The following TANC1 variants were observed in gnomAD, a reference collection of about 807,000 sequenced individuals.
The protein encoded by TANC1 is protein TANC1.
TANC1 carries 77 observed loss-of-function variants against 149.7 expected under a neutral mutation model. That is an observed-to-expected ratio of 0.51 (90% confidence interval 0.43 to 0.62). The LOEUF (loss-of-function observed/expected upper bound fraction) is 0.62. Ranked by LOEUF, TANC1 falls within the 20% of genes least tolerant of loss-of-function variation. The pLI, the probability that TANC1 is intolerant of heterozygous loss-of-function variation, is 0.00. For missense variants in TANC1, 1,985 were observed against 2,321.8 expected (o/e 0.85, Z 2.98); for synonymous variants, 854 against 925.0 (o/e 0.92, Z 1.39).
intron 3 of TANC1, among the ~76,000 whole-genome samples, chr2:159,091,961 TAG>T (rs2045589341): frequency 2.2e-5 from 3 of 135,840 alleles, no homozygotes; most frequent in Non-Finnish European, 1.6e-5. Context: ...TCTGTAAATA[TAG>T]GGGGGGGTGT....
At chr2:159,046,027 A>G (rs2041012085) in intron 2 of TANC1, among the ~76,000 whole-genome samples, 1 of 152,204 alleles carries the variant, frequency 6.6e-6, no homozygotes, top group Non-Finnish European at 1.5e-5. Flanking sequence ...ACGTTTCTCA[A>G]AGTAACATTG....
chr2:159,085,979 TC>T (rs2044801036), intron 3 of TANC1, among the ~76,000 whole-genome samples: 1 of 152,190 alleles, frequency 6.6e-6, no homozygotes, highest in African/African-American at 2.4e-5. Flanking sequence ...CTGGCAGTAA[TC>T]TCAGGGCTTG....
At chr2:159,199,195 G>C (rs1170858320) in intron 19 of TANC1, 142 bp downstream of exon 19, 5 of 597,110 alleles carry the variant, frequency 8.4e-6, no homozygotes, top group Non-Finnish European at 1.5e-5. Context: ...AGAGCTCCTT[G>C]AACTTTCTAC....
intron 2 of TANC1, among the ~76,000 whole-genome samples, chr2:159,010,090 A>G (rs1574096452): frequency 6.6e-6 from 1 of 152,194 alleles, no homozygotes; most frequent in African/African-American, 2.4e-5. Context: ...AATAGCAAAT[A>G]TGGACCACTG....
rs369061148 is a variant in TANC1, at chr2:159,097,640, G to T, written c.65G>T (p.Ser22Ile). The T allele has an allele frequency of 8.1e-6, 13 of 1,613,122 alleles. No homozygotes were observed. The highest frequency in any genetic ancestry group is 1.0e-5 in the Non-Finnish European group (12 of 1,179,270). ...AAGTATTCTCTCTCTACTCTAGGAA[G>T]TGACTTTGGTCCAGAGACTTCTCCA... ...GGKGGKKEAG[S>I]DFGPETSPVL... The change falls in exon 4 of 27, where the codon AGT becomes ATT. Residue 22 changes from serine to isoleucine, a missense_variant. This residue lies in a region of TANC1 where 557 missense variants were observed against 612.9 expected (regional missense o/e 0.91). Transcript: ENST00000263635.
chr2:158,970,497 T>C (rs962357238), intron 1 of TANC1, among the ~76,000 whole-genome samples: 3 of 152,196 alleles, frequency 2.0e-5, no homozygotes, highest in South Asian at 2.1e-4. Context: ...GTTTTACTCA[T>C]CTAAGCTACT....
intron 3 of TANC1, among the ~76,000 whole-genome samples, chr2:159,088,185 A>C (rs1157753088): frequency 1.3e-5 from 2 of 152,092 alleles, no homozygotes; most frequent in Non-Finnish European, 2.9e-5. Flanking sequence ...TTCTGAGTGC[A>C]GTCGGGCTCT....
chr2:159,001,322 C>G lies in TANC1; in HGVS notation c.-16+133C>G, dbSNP rs1488962788. ...TCCAGTCTTTCCACCTGCCCAGAGC[C>G]ACTGGTGAGCCAGCGCCTCCAGGGG... On this transcript the variant is annotated intron_variant, in intron 2 of 26. Transcript: ENST00000263635. This position sits in a 1 kb window ranked among gnomAD's most constrained non-coding sequence, Gnocchi z 4.3. 4 of 152,242 alleles carry G rather than the reference C, an allele frequency of 2.6e-5. No individual in the cohort carries two copies. The highest frequency in any genetic ancestry group is 9.7e-5 in the African/African-American group (4 of 41,426). The allele number at this position is 152,242 out of a possible 1,614,324, so 9.4% of individuals were successfully genotyped here.
At chr2:159,177,301 A>AT (rs556072643) in intron 13 of TANC1, among the ~76,000 whole-genome samples, 32 of 149,872 alleles carry the variant, frequency 2.1e-4, no homozygotes, top group South Asian at 1.1e-3. Flanking sequence ...GGGTAGGGTG[A>AT]TTTTTTTTTT....
chr2:159,207,654 G>A (rs545300591), intron 19 of TANC1, among the ~76,000 whole-genome samples: 23 of 125,454 alleles, frequency 1.8e-4, no homozygotes, highest in African/African-American at 6.0e-4. Flanking sequence ...AGCCGAGATC[G>A]CGCCACTGTA....
intron 2 of TANC1, among the ~76,000 whole-genome samples, chr2:159,017,197 G>A (rs922687584): frequency 6.6e-6 from 1 of 152,144 alleles, no homozygotes; most frequent in African/African-American, 2.4e-5. Context: ...TATTATATGG[G>A]ACATACAGCC....
intron 3 of TANC1, among the ~76,000 whole-genome samples, chr2:159,085,474 C>CCG (rs2044740024): frequency 6.6e-6 from 1 of 152,030 alleles, no homozygotes; most frequent in African/African-American, 2.4e-5. Flanking sequence ...ATTATTAGGG[C>CCG]CGATATACAC....
At chr2:159,007,521 G>A (rs115819015) in intron 2 of TANC1, among the ~76,000 whole-genome samples, 2 of 152,108 alleles carry the variant, frequency 1.3e-5, no homozygotes, top group Non-Finnish European at 2.9e-5. Context: ...GTTGCCTACA[G>A]TATTCACTAC....
chr2:158,988,853 T>G (rs542847677), intron 1 of TANC1, among the ~76,000 whole-genome samples: 22 of 152,296 alleles, frequency 1.4e-4, no homozygotes, highest in African/African-American at 4.6e-4. Context: ...TGCCACCTCC[T>G]GCGGTGCTGC....
chr2:159,041,975 TG>T (rs35129262), intron 2 of TANC1, among the ~76,000 whole-genome samples: 1 of 152,194 alleles, frequency 6.6e-6, no homozygotes, highest in Non-Finnish European at 1.5e-5. Flanking sequence ...GCATTTGACA[TG>T]GGGGTGACCA....
At chr2:159,102,597 G>A (rs1186991807) in intron 4 of TANC1, among the ~76,000 whole-genome samples, 8 of 128,952 alleles carry the variant, frequency 6.2e-5, no homozygotes, top group Non-Finnish European at 1.7e-5. Context: ...CCCAGCTCTT[G>A]CTTAATATTT....
chr2:158,992,642 A>G (rs982541625), intron 1 of TANC1, among the ~76,000 whole-genome samples: 4 of 149,056 alleles, frequency 2.7e-5, no homozygotes, highest in Admixed American at 1.3e-4. Flanking sequence ...AGCTGGGACT[A>G]CAGGCGCCCA....
At chr2:158,992,537 C>G (rs1347112353) in intron 1 of TANC1, among the ~76,000 whole-genome samples, 8 of 152,028 alleles carry the variant, frequency 5.3e-5, no homozygotes, top group African/African-American at 9.7e-5. Flanking sequence ...GAGTCTTGCC[C>G]TGTCGCCCAG....
At chr2:159,183,436 C>T (rs2150579499) in intron 14 of TANC1, among the ~76,000 whole-genome samples, 1 of 152,214 alleles carries the variant, frequency 6.6e-6, no homozygotes, top group African/African-American at 2.4e-5. Context: ...TGAGGAAGCT[C>T]ATGTCATTAG....
Sources: gnomAD v4.1 joint callset for allele counts (sites outside exome capture counted in the v4.1 genomes callset) on GRCh38, gnomAD v4.1.1 for gene constraint, gnomAD v4.1.1 regional missense constraint, Gnocchi (gnomAD v3.1) non-coding constraint, MANE v1.5 for transcripts, NCBI Gene and HGNC (gene_info 2026-07-23, HGNC 2026-07-21) for gene names.